MYO1D: variants seen among roughly 807,000 people sequenced by gnomAD.
MYO1D encodes unconventional myosin-Id.
In MYO1D, 83 loss-of-function variants were observed where a neutral mutation model predicts 122.0. The ratio of observed to expected loss-of-function variants is 0.68; its 90% CI spans 0.57 to 0.82. The LOEUF (loss-of-function observed/expected upper bound fraction) is 0.82. Among genes scored for constraint, MYO1D ranks in the 40% least tolerant of loss-of-function variants. The probability of loss-of-function intolerance (pLI) is 0.00; values close to 1 mark genes in which losing one functional copy is unlikely to be tolerated. For synonymous variants in MYO1D, 464 were observed against 446.9 expected (o/e 1.04, Z -0.48); for missense variants, 1,157 against 1,269.5 (o/e 0.91, Z 1.35).
intron 21 of MYO1D, among the ~76,000 whole-genome samples, chr17:32,520,900 ATCT>A (rs1174356812): frequency 1.3e-5 from 2 of 152,248 alleles, no homozygotes; most frequent in African/African-American, 2.4e-5. Flanking sequence ...GACAAAGTTC[ATCT>A]TCTTTGCAGG....
At chr17:32,544,957 T>G (rs1280334192) in intron 21 of MYO1D, among the ~76,000 whole-genome samples, 1 of 152,212 alleles carries the variant, frequency 6.6e-6, no homozygotes, top group Non-Finnish European at 1.5e-5. Flanking sequence ...CTTCTCTTTC[T>G]CCAAGTTTTC....
intron 21 of MYO1D, among the ~76,000 whole-genome samples, chr17:32,563,411 C>T (rs902088111): frequency 3.3e-5 from 5 of 151,570 alleles, no homozygotes; most frequent in Non-Finnish European, 5.9e-5. Flanking sequence ...GATGGGGTTT[C>T]AAACCATGTT....
chr17:32,630,942 G>A (rs2087997392), intron 20 of MYO1D, among the ~76,000 whole-genome samples: 1 of 151,962 alleles, frequency 6.6e-6, no homozygotes, highest in Non-Finnish European at 1.5e-5. Flanking sequence ...GTCTTCACAT[G>A]GCCTTCCCTC....
chr17:32,750,799 A>G (rs927932012), intron 11 of MYO1D, among the ~76,000 whole-genome samples: 1 of 152,050 alleles, frequency 6.6e-6, no homozygotes, highest in Non-Finnish European at 1.5e-5. Flanking sequence ...CCATCTACTC[A>G]CTCTGACTTC....
intron 21 of MYO1D, among the ~76,000 whole-genome samples, chr17:32,562,658 C>CT (rs1272838013): frequency 1.3e-5 from 2 of 151,784 alleles, no homozygotes; most frequent in African/African-American, 4.8e-5. Flanking sequence ...AATTTTGAAA[C>CT]TTTTTGTAGA....
Position 32,786,696 on chromosome 17 carries a change from T to C in MYO1D, c.96-5912A>G, listed in dbSNP as rs564060337. On this transcript the variant is annotated intron_variant, in intron 1 of 21. Coordinates refer to ENST00000318217, the MANE Select transcript of MYO1D (RefSeq NM_015194.3). ...TTAGCTGGGAGTGGTGGCGCATACC[T>C]GTAATCCCAACTACTTGGGAGGCTG... 6.6e-5 allele frequency among the ~76,000 whole-genome samples: 10 copies of C among 152,244 alleles called. No homozygotes were observed. The South Asian group carries it at 2.1e-3, about 32-fold the overall frequency.
chr17:32,626,158 G>A (rs964984905), intron 20 of MYO1D, among the ~76,000 whole-genome samples: 1 of 152,240 alleles, frequency 6.6e-6, no homozygotes, highest in African/African-American at 2.4e-5. Context: ...CAGAGGCTAC[G>A]TGATGTATGC....
chr17:32,553,110 A>C (rs956308178), intron 21 of MYO1D, among the ~76,000 whole-genome samples: 5 of 151,666 alleles, frequency 3.3e-5, no homozygotes, highest in Non-Finnish European at 5.9e-5. Context: ...AAACAAAAAA[A>C]AAAACAAAAA....
At chr17:32,766,724 G>A (rs1218707108) in intron 7 of MYO1D, among the ~76,000 whole-genome samples, 7 of 152,038 alleles carry the variant, frequency 4.6e-5, no homozygotes, top group Non-Finnish European at 7.4e-5. Context: ...CTCGGGAGGT[G>A]GAGCTTGCAG....
At chr17:32,861,926 G>A (rs555232999) in intron 1 of MYO1D, among the ~76,000 whole-genome samples, 1 of 152,314 alleles carries the variant, frequency 6.6e-6, no homozygotes, top group South Asian at 2.1e-4. Context: ...GCTGAGATAG[G>A]AGAATAGCTT....
chr17:32,496,524 A>G (rs113783989), intron 21 of MYO1D, among the ~76,000 whole-genome samples: 127 of 152,348 alleles, frequency 8.3e-4, no homozygotes, highest in African/African-American at 2.9e-3. Context: ...TCTTGTGGGC[A>G]CCAGGGCCGC....
intron 21 of MYO1D, among the ~76,000 whole-genome samples, chr17:32,523,747 T>C (rs1165370073): frequency 1.4e-5 from 2 of 138,234 alleles, no homozygotes; most frequent in Non-Finnish European, 3.0e-5. Context: ...ACGGTGATTG[T>C]ACCACTGCAC....
chr17:32,718,270 C>T (rs1196460629), intron 15 of MYO1D, among the ~76,000 whole-genome samples: 1 of 152,122 alleles, frequency 6.6e-6, no homozygotes, highest in Non-Finnish European at 1.5e-5. Context: ...TCAGAGAGTT[C>T]CCCCATTCTG....
Position 32,727,541 on chromosome 17 carries a change from G to C in MYO1D, c.1747-6352C>G, listed in dbSNP as rs1290513604. 2.6e-5 allele frequency: 4 copies of C among 152,190 alleles called. No individual in the cohort carries two copies. In the East Asian group the frequency reaches 7.7e-4, roughly 29 times the overall value. The allele number at this position is 152,190 out of a possible 1,614,324, so 9.4% of individuals were successfully genotyped here. ...GTCTTACTAGGTTGCCAGAGGAACA[G>C]AGCTAGAAATTTAACTGAGGTTAAG... On this transcript the variant is annotated intron_variant, in intron 14 of 21. Transcript: ENST00000318217.
At chr17:32,626,231 TAA>T (rs2150929712) in intron 20 of MYO1D, among the ~76,000 whole-genome samples, 1 of 152,304 alleles carries the variant, frequency 6.6e-6, no homozygotes, top group East Asian at 1.9e-4. Context: ...GTTTACTGAA[TAA>T]AAGAGAGCTC....
intron 20 of MYO1D, among the ~76,000 whole-genome samples, chr17:32,615,660 CCA>C (rs2087761052): frequency 6.6e-6 from 1 of 152,176 alleles, no homozygotes; most frequent in Admixed American, 6.5e-5. Flanking sequence ...CGGATCAAAC[CCA>C]GAGTGGGATT....
At chr17:32,631,171 A>G (rs983841539) in intron 20 of MYO1D, among the ~76,000 whole-genome samples, 6 of 152,210 alleles carry the variant, frequency 3.9e-5, no homozygotes, top group Non-Finnish European at 5.9e-5. Flanking sequence ...GCTATTTTAA[A>G]AAGTCAATAT....
chr17:32,865,379 T>C (rs1317081600), intron 1 of MYO1D, among the ~76,000 whole-genome samples: 4 of 152,232 alleles, frequency 2.6e-5, no homozygotes, highest in East Asian at 1.9e-4. Flanking sequence ...CCATTTTTTT[T>C]TGACAAATTC....
chr17:32,768,179 A>C (rs2090078500), intron 6 of MYO1D, among the ~76,000 whole-genome samples: 1 of 152,244 alleles, frequency 6.6e-6, no homozygotes, highest in South Asian at 2.1e-4. Context: ...GGCTGGCAAC[A>C]ACACTTCACT....
Sources: gnomAD v4.1 joint callset for allele counts (sites outside exome capture counted in the v4.1 genomes callset) on GRCh38, gnomAD v4.1.1 for gene constraint, MANE v1.5 for transcripts, NCBI Gene and HGNC (gene_info 2026-07-23, HGNC 2026-07-21) for gene names.